KCNIP1: variants seen among roughly 807,000 people sequenced by gnomAD.
The protein encoded by KCNIP1 is potassium voltage-gated channel interacting protein 1, also known as A-type potassium channel modulatory protein KCNIP1.
KCNIP1 carries 18 observed loss-of-function variants against 33.0 expected under a neutral mutation model. The ratio of observed to expected loss-of-function variants is 0.55; its 90% CI spans 0.38 to 0.81. KCNIP1 has a LOEUF of 0.81. Among genes scored for constraint, KCNIP1 ranks in the 30% least tolerant of loss-of-function variants. The pLI is 0.00. For synonymous variants in KCNIP1, 93 were observed against 98.3 expected (o/e 0.95, Z 0.32); for missense variants, 238 against 271.6 (o/e 0.88, Z 0.87).
intron 1 of KCNIP1, chr5:170,422,602 G>A (rs546415391): frequency 7.9e-5 from 12 of 152,282 alleles, no homozygotes; most frequent in Non-Finnish European, 1.5e-4. Flanking sequence ...AGATTGCCCC[G>A]TTAATAGGCA....
intron 3 of KCNIP1, 75 bp from the exon 4 acceptor site, chr5:170,721,758 C>T (rs1027364258): frequency 1.2e-6 from 2 of 1,614,162 alleles, no homozygotes; most frequent in East Asian, 2.2e-5. Flanking sequence ...CTTGTCGAAG[C>T]CCTGCCTTGT....
chr5:170,572,847 T>A lies in KCNIP1; in HGVS notation c.61+68214T>A, dbSNP rs372516140. On this transcript the variant is annotated intron_variant, in intron 1 of 7. Transcript: ENST00000328939. The stretch of plus-strand genomic sequence containing the variant: ...AGCTCAAACAACTATCCAACAACAA[T>A]CATTTAGTGTGACTTTATTAATGGC... 4.7e-4 allele frequency among the ~76,000 whole-genome samples: 72 copies of A among 152,288 alleles called. 2 individuals carry two copies. The highest frequency in any genetic ancestry group is 3.5e-3 in the East Asian group (18 of 5,180).
intron 1 of KCNIP1, among the ~76,000 whole-genome samples, chr5:170,440,513 C>A (rs1331079973): frequency 6.6e-6 from 1 of 152,198 alleles, no homozygotes; most frequent in Non-Finnish European, 1.5e-5. Flanking sequence ...CAGGGGAGGG[C>A]CCTTGCCTGA....
intron 1 of KCNIP1, among the ~76,000 whole-genome samples, chr5:170,651,596 C>T (rs1761045441): frequency 6.6e-6 from 1 of 152,052 alleles, no homozygotes; most frequent in Non-Finnish European, 1.5e-5. Context: ...TCTACCGCCA[C>T]CCCCCCAGCT....
intron 1 of KCNIP1, among the ~76,000 whole-genome samples, chr5:170,696,192 A>G (rs1159084973): frequency 1.3e-5 from 2 of 151,770 alleles, no homozygotes; most frequent in Non-Finnish European, 2.9e-5. Flanking sequence ...TCCTTCATAC[A>G]CTTCCCTCAC....
At chr5:170,525,557 A>G (rs1273597746) in intron 1 of KCNIP1, among the ~76,000 whole-genome samples, 1 of 152,206 alleles carries the variant, frequency 6.6e-6, no homozygotes, top group Non-Finnish European at 1.5e-5. Flanking sequence ...TGAGAACCCT[A>G]CATACATCTT....
At chr5:170,450,882 G>A (rs537513165) in intron 1 of KCNIP1, among the ~76,000 whole-genome samples, 1 of 152,286 alleles carries the variant, frequency 6.6e-6, no homozygotes, top group African/African-American at 2.4e-5. Flanking sequence ...CTTTGAGAGG[G>A]TGGGACTGTG....
At chr5:170,657,333 A>T (rs1761311705) in intron 1 of KCNIP1, among the ~76,000 whole-genome samples, 1 of 151,992 alleles carries the variant, frequency 6.6e-6, no homozygotes, top group South Asian at 2.1e-4. Context: ...GGAGGCCCCC[A>T]CTCAGCATTT....
chr5:170,436,897 T>C (rs1037710479), intron 1 of KCNIP1, among the ~76,000 whole-genome samples: 2 of 152,170 alleles, frequency 1.3e-5, no homozygotes, highest in African/African-American at 4.8e-5. Context: ...ATTTCTTTCC[T>C]CATCCATCAC....
In KCNIP1 at chr5:170,477,011, G is replaced by A. The variant is rs1398150359; in HGVS notation, c.88+123047G>A. ...GTTGACAGATTGTAATAAATGCACC[G>A]CTGTAATGTGGAATGTTGAAGTGAG... is the stretch of plus-strand genomic sequence containing the variant. On this transcript the variant is annotated intron_variant, in intron 1 of 7. Transcript: ENST00000377360. 1.7e-4 allele frequency among the ~76,000 whole-genome samples: 26 copies of A among 152,126 alleles called. 1 individual carries two copies. The highest frequency in any genetic ancestry group is 1.6e-3 in the Admixed American group (24 of 15,272).
At chr5:170,653,891 G>A (rs908481721) in intron 1 of KCNIP1, among the ~76,000 whole-genome samples, 4 of 151,986 alleles carry the variant, frequency 2.6e-5, no homozygotes, top group South Asian at 2.1e-4. Context: ...AGCTCATATT[G>A]CAGGAATATT....
chr5:170,408,445 T>C (rs1424744077), intron 1 of KCNIP1, among the ~76,000 whole-genome samples: 1 of 152,124 alleles, frequency 6.6e-6, no homozygotes, highest in African/African-American at 2.4e-5. Flanking sequence ...TCATGTAATT[T>C]AATAGGAGCC....
intron 1 of KCNIP1, among the ~76,000 whole-genome samples, chr5:170,625,408 T>C (rs1759783062): frequency 6.6e-6 from 1 of 152,218 alleles, no homozygotes; most frequent in Admixed American, 6.5e-5. Context: ...TCAGGACCCC[T>C]GGCTGCGGCG....
chr5:170,442,511 G>A (rs13182150), intron 1 of KCNIP1, among the ~76,000 whole-genome samples: 30,261 of 152,020 alleles, frequency 0.2, 3,039 homozygotes, highest in East Asian at 0.21. Context: ...ACAGGGCCTC[G>A]TTCTGCGTTC....
chr5:170,430,653 G>A (rs544191060), intron 1 of KCNIP1, among the ~76,000 whole-genome samples: 1 of 152,280 alleles, frequency 6.6e-6, no homozygotes, highest in South Asian at 2.1e-4. Context: ...CCATCATTTA[G>A]GAAGTGCTTG....
intron 1 of KCNIP1, among the ~76,000 whole-genome samples, chr5:170,613,471 G>T (rs1759254419): frequency 6.6e-6 from 1 of 152,126 alleles, no homozygotes; most frequent in Non-Finnish European, 1.5e-5. Flanking sequence ...CTACTTGAAA[G>T]ATTAAGCAAC....
chr5:170,396,992 T>A (rs1312832514), intron 1 of KCNIP1, among the ~76,000 whole-genome samples: 1 of 152,216 alleles, frequency 6.6e-6, no homozygotes, highest in Non-Finnish European at 1.5e-5. Flanking sequence ...GAGCCTGCTA[T>A]CTGTCATGTG....
intron 6 of KCNIP1, 137 bp from the exon 7 acceptor site, chr5:170,733,699 T>C (rs1288423580): frequency 4.4e-6 from 3 of 675,550 alleles, no homozygotes; most frequent in African/African-American, 1.8e-5. Flanking sequence ...ACTCTCATTC[T>C]CAGGGCAAAG....
At chr5:170,397,480 T>G (rs1250427625) in intron 1 of KCNIP1, among the ~76,000 whole-genome samples, 1 of 150,410 alleles carries the variant, frequency 6.6e-6, no homozygotes, top group African/African-American at 2.5e-5. Flanking sequence ...AAAGAGGGCT[T>G]GAGCACATGG....
Sources: gnomAD v4.1 joint callset for allele counts (sites outside exome capture counted in the v4.1 genomes callset) on GRCh38, gnomAD v4.1.1 for gene constraint, MANE v1.5 for transcripts, NCBI Gene and HGNC (gene_info 2026-07-23, HGNC 2026-07-21) for gene names.